Variants in PKD1L1 observed in about 807,000 individuals in gnomAD.
PKD1L1 encodes polycystin 1 like 1, transient receptor potential channel interacting, also known as polycystin-1-like protein 1.
In PKD1L1, 236 loss-of-function variants were observed where a neutral mutation model predicts 323.4. The ratio of observed to expected loss-of-function variants is 0.73; its 90% CI spans 0.66 to 0.81. The LOEUF (loss-of-function observed/expected upper bound fraction) is 0.81. PKD1L1 is among the 40% of genes least tolerant of loss of function. PKD1L1 has a pLI of 0.00. For missense variants in PKD1L1, 3,320 were observed against 3,508.0 expected (o/e 0.95, Z 1.35); for synonymous variants, 1,344 against 1,335.0 (o/e 1.01, Z -0.15).
At chr7:47,849,811 T>C (rs1243180816) in intron 31 of PKD1L1, among the ~76,000 whole-genome samples, 1 of 152,174 alleles carries the variant, frequency 6.6e-6, no homozygotes, top group East Asian at 1.9e-4. Flanking sequence ...AAATATGGTA[T>C]GTATGCACCA....
chr7:47,776,655 T>A (rs1190533162), intron 56 of PKD1L1, among the ~76,000 whole-genome samples: 1 of 152,226 alleles, frequency 6.6e-6, no homozygotes, highest in Non-Finnish European at 1.5e-5. Context: ...GGGAGGTAGG[T>A]TGAACATAAG....
In PKD1L1 at chr7:47,839,395, C is replaced by T. The variant is rs6960394; in HGVS notation, c.5769+51G>A. On this transcript the variant is annotated intron_variant, in intron 36 of 56. Coordinates refer to ENST00000289672, the MANE Select transcript of PKD1L1 (RefSeq NM_138295.5). The surrounding 1 kb of genome is among the most constrained non-coding windows in gnomAD (Gnocchi z 4.3). ...AAGCGAAGCAGAGACAGGTGCCATGCTCTGCCGGTCAGCCAGGTGCGCCAC... is the reference window on the plus strand; with the variant it reads ...AAGCGAAGCAGAGACAGGTGCCATGTTCTGCCGGTCAGCCAGGTGCGCCAC... The T allele has an allele frequency of 0.22, 326,005 of 1,475,812 alleles. 37,318 individuals carry two copies. Among genetic ancestry groups the T allele is most frequent in the Middle Eastern group, 0.24 (1,373 of 5,622 alleles). The allele number at this position is 1,475,812 out of a possible 1,614,324, so 91.4% of individuals were successfully genotyped here.
At chr7:47,880,438 T>C (rs535534812) in intron 21 of PKD1L1, among the ~76,000 whole-genome samples, 2 of 150,664 alleles carry the variant, frequency 1.3e-5, no homozygotes, top group African/African-American at 4.9e-5. Flanking sequence ...CCCGCCACCA[T>C]GCCCGGCAAA....
chr7:47,903,975 C>T (rs1022144075), intron 12 of PKD1L1, among the ~76,000 whole-genome samples: 2 of 152,208 alleles, frequency 1.3e-5, no homozygotes, highest in African/African-American at 4.8e-5. Context: ...ACACTCATCT[C>T]ACCCTTCTAT....
Position 47,908,235 on chromosome 7 carries a change from A to G in PKD1L1, c.1244T>C (p.Leu415Pro). The G allele has an allele frequency of 1.2e-6, 2 of 1,613,822 alleles. No individual in the cohort carries two copies. Among genetic ancestry groups the G allele is most frequent in the Non-Finnish European group, 1.7e-6 (2 of 1,179,904 alleles). The change falls in exon 9 of 57, where the codon CTC becomes CCC. Residue 415 changes from leucine (L) to proline (P), a missense_variant. Transcript: ENST00000289672. ...SAFVTKGVYMLKAVIYNEFHG... is the reference protein window; with the variant it reads ...SAFVTKGVYMPKAVIYNEFHG... ...AAACTCGTTATAAATAACAGCCTTGAGCATATAGACTCCTTCTGGAAAAAT... is the reference window on the plus strand; with the variant it reads ...AAACTCGTTATAAATAACAGCCTTGGGCATATAGACTCCTTCTGGAAAAAT...
chr7:47,787,626 T>A (rs1296498992), intron 56 of PKD1L1, among the ~76,000 whole-genome samples: 1 of 152,228 alleles, frequency 6.6e-6, no homozygotes, highest in South Asian at 2.1e-4. Flanking sequence ...TTGCTAGTTA[T>A]ATGAGCTATA....
intron 54 of PKD1L1, 43 bp from the exon 55 acceptor site, chr7:47,796,193 C>A: frequency 6.8e-7 from 1 of 1,476,376 alleles, no homozygotes; most frequent in South Asian, 1.3e-5. Flanking sequence ...ATGTTAGCAG[C>A]CTAAATAAAG....
chr7:47,941,132 C>T (rs1379083649), intron 2 of PKD1L1, among the ~76,000 whole-genome samples: 6 of 152,346 alleles, frequency 3.9e-5, no homozygotes, highest in Non-Finnish European at 2.9e-5. Context: ...AGCCCCCACC[C>T]CTCTCATCCC....
At chr7:47,788,825 C>T (rs1049973030) in intron 56 of PKD1L1, among the ~76,000 whole-genome samples, 12 of 151,356 alleles carry the variant, frequency 7.9e-5, no homozygotes, top group Non-Finnish European at 1.5e-4. Context: ...TCTCGATCTC[C>T]TGACCTCATG....
chr7:47,800,995 G>T, intron 53 of PKD1L1, 116 bp from the exon 54 acceptor site: 1 of 900,736 alleles, frequency 1.1e-6, no homozygotes, highest in Non-Finnish European at 1.7e-6. Context: ...TTGGGAGTGT[G>T]GATCAATCAT....
At chr7:47,955,574 TAC>T in the PKD1L1 span, among the ~76,000 whole-genome samples, 1 of 152,264 alleles carries the variant, frequency 6.6e-6, no homozygotes, top group African/African-American at 2.4e-5. Flanking sequence ...GCCATATCAG[TAC>T]ACTTTTTTCT....
intron 4 of PKD1L1, among the ~76,000 whole-genome samples, chr7:47,933,522 T>C (rs1342440947): frequency 6.6e-6 from 1 of 152,154 alleles, no homozygotes; most frequent in Non-Finnish European, 1.5e-5. Flanking sequence ...GGACTGCACT[T>C]AACCTCAAAT....
In PKD1L1 at chr7:47,877,522, G is replaced by C. The variant is rs145960512; in HGVS notation, c.3630C>G (p.Thr1210=). Reference sequence around the variant, plus strand: ...CAGACATGCAGAAGACACTGAAGACGGTGTGTGCTTCCAGACCATGGTGGG... The same window carrying C: ...CAGACATGCAGAAGACACTGAAGACCGTGTGTGCTTCCAGACCATGGTGGG... ...VQPHHGLEAH[T]VFSVFCMSGK... Residue 1210 remains threonine (T), a synonymous_variant, in exon 22 of 57, where the codon ACC becomes ACG. Coordinates refer to ENST00000289672, the MANE Select transcript of PKD1L1 (RefSeq NM_138295.5). 1 of 1,613,932 alleles carries C rather than the reference G, an allele frequency of 6.2e-7. No homozygotes were observed. Among genetic ancestry groups the C allele is most frequent in the East Asian group, 2.2e-5 (1 of 44,860 alleles).
At chr7:47,798,324 T>G (rs765470246) in intron 54 of PKD1L1, among the ~76,000 whole-genome samples, 1 of 152,192 alleles carries the variant, frequency 6.6e-6, no homozygotes, top group Non-Finnish European at 1.5e-5. Context: ...ATGGAGTAAA[T>G]ATTCTTCAAA....
At chr7:47,895,728 G>A (rs1195087397) in intron 14 of PKD1L1, among the ~76,000 whole-genome samples, 1 of 152,182 alleles carries the variant, frequency 6.6e-6, no homozygotes, top group Non-Finnish European at 1.5e-5. Flanking sequence ...TAAATGCGTA[G>A]TCAAACTGGG....
chr7:47,864,370 G>T (rs994319049), intron 26 of PKD1L1, among the ~76,000 whole-genome samples: 1 of 152,106 alleles, frequency 6.6e-6, no homozygotes, highest in African/African-American at 2.4e-5. Flanking sequence ...AATGCAGGGG[G>T]AACATCAGCT....
intron 21 of PKD1L1, among the ~76,000 whole-genome samples, chr7:47,880,289 T>A (rs1321724490): frequency 5.0e-4 from 52 of 104,692 alleles, no homozygotes; most frequent in African/African-American, 2.2e-3. Flanking sequence ...TATATATTTT[T>A]TTTTTTTTTT....
chr7:47,887,567 T>C (rs1480069221), intron 17 of PKD1L1, among the ~76,000 whole-genome samples: 1 of 152,228 alleles, frequency 6.6e-6, no homozygotes, highest in Non-Finnish European at 1.5e-5. Context: ...CAGCTGGTAG[T>C]GTGGGAGCAA....
chr7:47,888,176 T>A, intron 16 of PKD1L1, 26 bp from the exon 17 acceptor site: 2 of 1,595,120 alleles, frequency 1.3e-6, no homozygotes, highest in Non-Finnish European at 1.7e-6. Flanking sequence ...TGGCTTGAGA[T>A]CTTAGGAAAA....
Sources: gnomAD v4.1 joint callset for allele counts (sites outside exome capture counted in the v4.1 genomes callset) on GRCh38, gnomAD v4.1.1 for gene constraint, Gnocchi (gnomAD v3.1) non-coding constraint, MANE v1.5 for transcripts, NCBI Gene and HGNC (gene_info 2026-07-23, HGNC 2026-07-21) for gene names.